The following DYNC1H1 variants were observed in gnomAD, a reference collection of about 807,000 sequenced individuals.
DYNC1H1 encodes dynein cytoplasmic 1 heavy chain 1.
In DYNC1H1, 51 loss-of-function variants were observed where a neutral mutation model predicts 527.1. The ratio of observed to expected loss-of-function variants is 0.10; its 90% CI spans 0.08 to 0.12. The LOEUF is 0.12. DYNC1H1 is among the 10% of genes least tolerant of loss of function. The pLI is 1.00. For synonymous variants in DYNC1H1, 2,189 were observed against 2,278.8 expected (o/e 0.96, Z 1.12); for missense variants, 2,771 against 5,971.8 (o/e 0.46, Z 17.66).
At chr14:101,987,424 T>C in intron 8 of DYNC1H1, 29 bp from the exon 9 acceptor site, 3 of 1,604,394 alleles carry the variant, frequency 1.9e-6, no homozygotes, top group South Asian at 1.1e-5. Flanking sequence ...TGAGTGGGTG[T>C]TTTAAATATT....
intron 51 of DYNC1H1, among the ~76,000 whole-genome samples, chr14:102,031,483 C>T (rs925898388): frequency 1.3e-5 from 2 of 152,196 alleles, no homozygotes; most frequent in African/African-American, 4.8e-5. Context: ...GATCCACCTG[C>T]CTCAGCCTCC....
At chr14:102,040,085 T>C in intron 62 of DYNC1H1, 151 bp from the exon 63 acceptor site, 1 of 1,070,632 alleles carries the variant, frequency 9.3e-7, no homozygotes, top group Non-Finnish European at 1.4e-6. Context: ...CCTCAAGTGA[T>C]CCGCCCACCT....
At position 101,980,391 on chromosome 14, in the gene DYNC1H1, T is replaced by C; in HGVS notation, c.802T>C (p.Ser268Pro). Residue 268 changes from serine (S) to proline (P), a missense_variant, in exon 5 of 78, where the codon TCA (serine) becomes CCA (proline). Transcript: ENST00000360184. ...KVTKLDRDPA[S>P]GTALQEISFW... ...GACCAAACTGGATCGAGATCCTGCA[T>C]CAGGAACTGCCTTACAGGAAATTAG... The C allele has an allele frequency of 6.2e-7, 1 of 1,614,242 alleles. No homozygotes were observed. The highest frequency in any genetic ancestry group is 8.5e-7 in the Non-Finnish European group (1 of 1,180,048).
intron 11 of DYNC1H1, among the ~76,000 whole-genome samples, chr14:101,993,219 A>G (rs1005983989): frequency 2.0e-5 from 3 of 152,050 alleles, no homozygotes; most frequent in African/African-American, 7.2e-5. Flanking sequence ...TCTCTTGAAA[A>G]TGAATGCTGA....
At chr14:102,050,014 G>A in intron 76 of DYNC1H1, 57 bp from the exon 77 acceptor site, 1 of 1,614,188 alleles carries the variant, frequency 6.2e-7, no homozygotes. Context: ...CCCTGTGACT[G>A]GGGTTTGTGT....
At chr14:102,047,544 T>C (rs2048735448) in intron 72 of DYNC1H1, 1 of 212,638 alleles carries the variant, frequency 4.7e-6, no homozygotes, top group Non-Finnish European at 9.2e-6. Context: ...CTCAAAAATA[T>C]ATATATACAC....
chr14:102,006,184 C>T lies in DYNC1H1; in HGVS notation c.5716+14C>T. The stretch of plus-strand genomic sequence containing the variant: ...GTTCCCCATTTGGTAAGTTCTTCCA[C>T]AGATCTGGACAGATGGAATCATATA... On this transcript the variant is annotated intron_variant, in intron 27 of 77. Coordinates refer to ENST00000360184, the MANE Select transcript of DYNC1H1 (RefSeq NM_001376.5). 1 of 1,612,420 alleles carries T rather than the reference C, an allele frequency of 6.2e-7. No homozygotes were observed. The highest frequency in any genetic ancestry group is 8.5e-7 in the Non-Finnish European group (1 of 1,179,858).
chr14:102,043,759 G>GCCATCGTCAGGA, intron 69 of DYNC1H1, 116 bp from the exon 70 acceptor site: 1 of 1,439,416 alleles, frequency 6.9e-7, no homozygotes, highest in Non-Finnish European at 9.6e-7. Context: ...TGAATCTGCT[G>GCCATCGTCAGGA]CCATCGTCAG....
At chr14:102,022,378 C>T (rs1029496730) in intron 42 of DYNC1H1, among the ~76,000 whole-genome samples, 5 of 147,536 alleles carry the variant, frequency 3.4e-5, no homozygotes, top group Admixed American at 1.4e-4. Flanking sequence ...TGGTGGCGGG[C>T]GCCTGTAGTC....
At position 102,015,152 on chromosome 14, in the gene DYNC1H1, C is replaced by T. The variant is rs1364430434; in HGVS notation, c.7062C>T (p.Ala2354=). 2 of 1,614,070 alleles carry T rather than the reference C, an allele frequency of 1.2e-6. No individual in the cohort carries two copies. The highest frequency in any genetic ancestry group is 2.7e-5 in the African/African-American group (2 of 74,904). The change falls in exon 35 of 78, where the codon GCC becomes GCT. Residue 2354 remains alanine (A), a synonymous_variant. Coordinates refer to ENST00000360184, the MANE Select transcript of DYNC1H1 (RefSeq NM_001376.5). The surrounding 1 kb of genome is among the most constrained non-coding windows in gnomAD (Gnocchi z 6.9). ...EVQDLKYATL[A]TVSRCGMVWF... The stretch of plus-strand genomic sequence containing the variant: ...AGGACTTGAAATACGCGACCTTGGC[C>T]ACAGTGTCGCGCTGCGGCATGGTCT...
intron 10 of DYNC1H1, among the ~76,000 whole-genome samples, chr14:101,989,057 C>T (rs1049737486): frequency 3.9e-5 from 6 of 152,158 alleles, no homozygotes; most frequent in African/African-American, 1.2e-4. Context: ...GTCACCTCTG[C>T]GCTCTTTCTC....
At chr14:102,013,839 G>A (rs8006586) in intron 34 of DYNC1H1, among the ~76,000 whole-genome samples, 30,607 of 152,138 alleles carry the variant, frequency 0.2, 4,197 homozygotes, top group African/African-American at 0.39. Flanking sequence ...TGGCAGCAGC[G>A]AAGGTGCTGA....
chr14:102,046,025 G>T (rs543807477), intron 72 of DYNC1H1, among the ~76,000 whole-genome samples: 1 of 151,976 alleles, frequency 6.6e-6, no homozygotes, highest in African/African-American at 2.4e-5. Flanking sequence ...AAAATTAGCC[G>T]GGTGTGGTGG....
At chr14:102,021,352 G>C (rs2048381781) in intron 42 of DYNC1H1, among the ~76,000 whole-genome samples, 1 of 152,212 alleles carries the variant, frequency 6.6e-6, no homozygotes, top group Non-Finnish European at 1.5e-5. Context: ...ATTCCAGCCT[G>C]AGTGACAGAG....
chr14:101,993,638 T>G (rs181454184), intron 11 of DYNC1H1, among the ~76,000 whole-genome samples: 18 of 152,240 alleles, frequency 1.2e-4, no homozygotes, highest in African/African-American at 4.3e-4. Flanking sequence ...AATCACAACT[T>G]ACCCCTCTCC....
rs542619149 is a variant in DYNC1H1 at position 102,036,888 on chromosome 14, C to G, written c.10908+246C>G. 1.9e-4 allele frequency: 79 copies of G among 418,900 alleles called. No homozygotes were observed. The East Asian group carries it at 4.0e-3, about 21-fold the overall frequency. The allele number at this position is 418,900 out of a possible 1,614,324, so 25.9% of individuals were successfully genotyped here. A position where few individuals can be genotyped will look rare whatever the true frequency, so the allele number is the denominator to read the frequency against. On this transcript the variant is annotated intron_variant, in intron 57 of 77. Coordinates refer to ENST00000360184, the MANE Select transcript of DYNC1H1 (RefSeq NM_001376.5). The surrounding 1 kb of genome is among the most constrained non-coding windows in gnomAD (Gnocchi z 5.6). ...TGGGAGGCCGAGGCGGGTGGATCAT[C>G]TAAGGTCAGGAATTCAAGAAAAGCC...
At position 102,007,073 on chromosome 14, in the gene DYNC1H1, T is replaced by G; in HGVS notation, c.5782T>G (p.Leu1928Val). The G allele has an allele frequency of 6.2e-7, 1 of 1,614,250 alleles. No individual in the cohort carries two copies. Among genetic ancestry groups the G allele is most frequent in the African/African-American group, 1.3e-5 (1 of 75,060 alleles). The change falls in exon 28 of 78, where the codon TTA becomes GTA. Residue 1928 changes from leucine (L) to valine (V), a missense_variant. This residue lies in a region of DYNC1H1 where 22 missense variants were observed against 109.5 expected (regional missense o/e 0.20). Transcript: ENST00000360184. The part of the protein sequence containing the change: ...ALGHQLGRFV[L>V]VFNCDETFDF... ...TGGCCATCAGCTTGGACGGTTTGTT[T>G]TAGTTTTCAACTGTGATGAAACCTT... is the stretch of plus-strand genomic sequence containing the variant.
chr14:102,032,539 C>A (rs536970254), intron 52 of DYNC1H1, 72 bp downstream of exon 52: 96 of 1,586,754 alleles, frequency 6.1e-5, no homozygotes, highest in Non-Finnish European at 8.0e-5. Context: ...CGGTGGCTCA[C>A]GCCTCCAATC....
At chr14:102,048,087 A>G (rs1036865303) in intron 73 of DYNC1H1, 59 bp downstream of exon 73, 6 of 1,545,428 alleles carry the variant, frequency 3.9e-6, no homozygotes, top group Middle Eastern at 2.3e-4. Context: ...GGGTATGGTC[A>G]TGGACCATTG....
Sources: allele counts gnomAD v4.1 joint callset (sites outside exome capture counted in the v4.1 genomes callset), GRCh38; gene constraint gnomAD v4.1.1; regional missense constraint gnomAD v4.1.1; non-coding constraint Gnocchi (gnomAD v3.1); transcripts MANE v1.5; gene names NCBI Gene and HGNC (gene_info 2026-07-23, HGNC 2026-07-21).